BORA: variants seen among roughly 807,000 people sequenced by gnomAD.
The protein encoded by BORA is protein aurora borealis.
In BORA, 26 loss-of-function variants were observed where a neutral mutation model predicts 55.8. The ratio of observed to expected loss-of-function variants is 0.47; its 90% CI spans 0.34 to 0.65. The LOEUF is 0.65. Ranked by LOEUF, BORA falls within the 30% of genes least tolerant of loss-of-function variation. The pLI, the probability that BORA is intolerant of heterozygous loss-of-function variation, is 0.01. For synonymous variants in BORA, 201 were observed against 216.9 expected, an observed-to-expected ratio of 0.93 and a Z score of 0.64; for missense variants, 568 against 671.5, an observed-to-expected ratio of 0.85 and a Z score of 1.70.
In BORA at chr13:72,753,686, T is replaced by A. The variant is rs763410037; in HGVS notation, c.1483-4T>A. 6.2e-7 allele frequency: 1 copy of A among 1,604,848 alleles called. No homozygotes were observed. The highest frequency in any genetic ancestry group is 1.1e-5 in the South Asian group (1 of 87,888). On this transcript the variant is annotated splice_region_variant and splice_polypyrimidine_tract_variant and intron_variant, in intron 10 of 11. Transcript: ENST00000390667. ...ATATATTTTTTTCTTTTTTCTCCTG[T>A]CAGATGGATAGTGGCTATAATACGC...
At chr13:72,747,332 G>A (rs1405286484) in intron 10 of BORA, among the ~76,000 whole-genome samples, 2 of 152,062 alleles carry the variant, frequency 1.3e-5, no homozygotes, top group Admixed American at 6.5e-5. Flanking sequence ...ATATTTGTAT[G>A]GAGTAGGAAA....
At chr13:72,729,224 C>T (rs2032756664) in intron 2 of BORA, 131 bp downstream of exon 2, 3 of 766,548 alleles carry the variant, frequency 3.9e-6, no homozygotes, top group African/African-American at 3.7e-5. Flanking sequence ...CTGCAATATA[C>T]TTTTTTAAAT....
At chr13:72,729,992 A>C (rs546895824) in intron 2 of BORA, among the ~76,000 whole-genome samples, 46 of 151,540 alleles carry the variant, frequency 3.0e-4, no homozygotes, top group African/African-American at 1.0e-3. Flanking sequence ...ATGGGATTTC[A>C]CCATGTTGGC....
chr13:72,752,345 A>T (rs1246515642), intron 10 of BORA: 2 of 152,132 alleles, frequency 1.3e-5, no homozygotes, highest in African/African-American at 4.8e-5. Flanking sequence ...CCTGGTTGGT[A>T]CATATTAGGC....
intron 5 of BORA, among the ~76,000 whole-genome samples, chr13:72,742,765 T>TAC (rs1198007155): frequency 7.0e-4 from 38 of 54,022 alleles, no homozygotes; most frequent in African/African-American, 1.5e-3. Flanking sequence ...TATATATATA[T>TAC]ATACACACAC....
At chr13:72,748,232 G>A (rs9543108) in intron 10 of BORA, among the ~76,000 whole-genome samples, 15,988 of 152,204 alleles carry the variant, frequency 0.11, 1,139 homozygotes, top group Non-Finnish European at 0.16. Context: ...GAAACTGAGG[G>A]TCAGAGAGGT....
At chr13:72,739,006 T>C (rs1445587573) in intron 5 of BORA, among the ~76,000 whole-genome samples, 1 of 152,178 alleles carries the variant, frequency 6.6e-6, no homozygotes, top group Non-Finnish European at 1.5e-5. Context: ...CACGCAATAG[T>C]AGATGGAAAT....
At chr13:72,728,030 C>G in intron 1 of BORA, 23 bp downstream of exon 1, 1 of 1,550,462 alleles carries the variant, frequency 6.4e-7, no homozygotes, top group South Asian at 1.2e-5. Context: ...TTTGTGGTCC[C>G]TGGCCTTTCC....
Position 72,753,731 on chromosome 13 carries a change from T to A in BORA, c.1524T>A (p.Ile508=). The change falls in exon 11 of 12, where the codon ATT becomes ATA. Residue 508 remains isoleucine, a synonymous_variant. Coordinates refer to ENST00000390667, the MANE Select transcript of BORA (RefSeq NM_024808.5). The stretch of plus-strand genomic sequence containing the variant: ...ATACGCAGAATTGTGGAAGCAATAT[T>A]ATGGATACAGTTGGGGCAGAAAGTT... ...GYNTQNCGSN[I]MDTVGAESYC... is the part of the protein sequence containing the mutation. The A allele has an allele frequency of 6.2e-7, 1 of 1,613,652 alleles. No homozygotes were observed. The highest frequency in any genetic ancestry group is 8.5e-7 in the Non-Finnish European group (1 of 1,179,738).
intron 2 of BORA, among the ~76,000 whole-genome samples, chr13:72,730,905 A>AC (rs1566218586): frequency 3.2e-5 from 4 of 125,380 alleles, no homozygotes; most frequent in South Asian, 5.5e-4. Context: ...AAAAAAAAAA[A>AC]AAAAATACAA....
rs2033160005 is a variant in BORA, at chr13:72,746,833, A to G, written c.1204A>G (p.Thr402Ala). Reference protein sequence around the residue: ...ASTHGTHLVVTAMSVTQNQSS... With the variant: ...ASTHGTHLVVAAMSVTQNQSS... ...TACCCATGGTACACATTTGGTTGTG[A>G]CTGCCATGTCTGTTACACAAAATCA... is the stretch of plus-strand genomic sequence containing the variant. Residue 402 changes from threonine to alanine, a missense_variant, in exon 10 of 12, where the codon ACT (threonine) becomes GCT (alanine). By Grantham distance (58) the Thr-to-Ala change is moderately conservative (BLOSUM62 0). Transcript: ENST00000390667. 6.2e-7 allele frequency: 1 copy of G among 1,614,194 alleles called. No homozygotes were observed. The highest frequency in any genetic ancestry group is 8.5e-7 in the Non-Finnish European group (1 of 1,180,008).
At position 72,738,050 on chromosome 13, in the gene BORA, G is replaced by C. The variant is rs779282030; in HGVS notation, c.388+7G>C. The C allele has an allele frequency of 1.3e-6, 2 of 1,575,128 alleles. No individual in the cohort carries two copies. Among genetic ancestry groups the C allele is most frequent in the Non-Finnish European group, 1.7e-6 (2 of 1,153,996 alleles). On this transcript the variant is annotated splice_region_variant and intron_variant, in intron 5 of 11. Transcript: ENST00000390667. ...CAATGTCATTCCAGTAAATGTGAGT[G>C]TACTAAAAATGATATGAATAAAAAT...
At position 72,745,308 on chromosome 13, in the gene BORA, G is replaced by C. The variant is rs2033118893; in HGVS notation, c.738+101G>C. 4.0e-5 allele frequency: 39 copies of C among 968,870 alleles called. No individual in the cohort carries two copies. The South Asian group carries it at 6.3e-4, about 16-fold the overall frequency. The allele number at this position is 968,870 out of a possible 1,614,324, so 60.0% of individuals were successfully genotyped here. A position where few individuals can be genotyped will look rare whatever the true frequency, so the allele number is the denominator to read the frequency against. On this transcript the variant is annotated intron_variant, in intron 8 of 11. Transcript: ENST00000390667. ...AGGCTTTCAGCAGCCTGAAGCCATG[G>C]TTGCTTTCTGTCTCTAGTAAATAAG...
intron 2 of BORA, among the ~76,000 whole-genome samples, chr13:72,730,570 C>T (rs1419438109): frequency 6.6e-6 from 1 of 152,166 alleles, no homozygotes; most frequent in African/African-American, 2.4e-5. Flanking sequence ...TCCAAAGTGA[C>T]TAAGGACTTT....
intron 10 of BORA, 87 bp downstream of exon 10, chr13:72,747,198 G>T: frequency 7.1e-7 from 1 of 1,403,650 alleles, no homozygotes; most frequent in Non-Finnish European, 9.6e-7. Context: ...AAAGATAATG[G>T]ATTAAACATG....
rs2033417297 is a variant in BORA, at chr13:72,755,147, A to G, written c.1615-4A>G. 1 of 1,613,336 alleles carries G rather than the reference A, an allele frequency of 6.2e-7. No individual in the cohort carries two copies. Among genetic ancestry groups the G allele is most frequent in the Non-Finnish European group, 8.5e-7 (1 of 1,179,638 alleles). On this transcript the variant is annotated splice_region_variant and splice_polypyrimidine_tract_variant and intron_variant, in intron 11 of 11. Transcript: ENST00000390667. ...AAAACAAGGTATTGTCTTCTTTTTC[A>G]CAGCAAGACCACACAACACAGAGGT...
At chr13:72,729,310 A>T (rs1242978365) in intron 2 of BORA, among the ~76,000 whole-genome samples, 3 of 151,834 alleles carry the variant, frequency 2.0e-5, no homozygotes, top group Non-Finnish European at 2.9e-5. Context: ...GTTCAAGAAC[A>T]TACGTTAGCT....
chr13:72,752,063 G>T (rs1198261819), intron 10 of BORA: 1 of 152,088 alleles, frequency 6.6e-6, no homozygotes, highest in Non-Finnish European at 1.5e-5. Context: ...TTATGTGGTA[G>T]AAAAATAAAT....
chr13:72,746,904 A>C lies in BORA; in HGVS notation c.1275A>C (p.Glu425Asp). ...EKELALLQDV[E>D]REKDNNTVDM... ...AATTAGCACTGTTGCAGGATGTTGA[A>C]AGGGAGAAAGACAATAACACTGTGG... Residue 425 changes from glutamate to aspartate, a missense_variant, in exon 10 of 12, where the codon GAA becomes GAC. Coordinates refer to ENST00000390667, the MANE Select transcript of BORA (RefSeq NM_024808.5). The C allele has an allele frequency of 6.2e-7, 1 of 1,614,140 alleles. No homozygotes were observed. Among genetic ancestry groups the C allele is most frequent in the South Asian group, 1.1e-5 (1 of 91,084 alleles).
Sources: gnomAD v4.1 joint callset for allele counts (sites outside exome capture counted in the v4.1 genomes callset) on GRCh38, gnomAD v4.1.1 for gene constraint, MANE v1.5 for transcripts, NCBI Gene and HGNC (gene_info 2026-07-23, HGNC 2026-07-21) for gene names.